RBM47: variants seen among roughly 807,000 people sequenced by gnomAD.
The protein encoded by RBM47 is RNA binding motif protein 47, also known as RNA-binding protein 47.
A neutral mutation model predicts 47.1 loss-of-function variants in RBM47; 21 were observed. The ratio of observed to expected loss-of-function variants is 0.45; its 90% CI spans 0.32 to 0.64. The LOEUF (loss-of-function observed/expected upper bound fraction) is 0.64. RBM47 is among the 30% of genes least tolerant of loss of function. RBM47 has a pLI of 0.05. For synonymous variants in RBM47, 375 were observed against 361.7 expected (o/e 1.04, Z -0.42); for missense variants, 708 against 870.9 (o/e 0.81, Z 2.35).
chr4:40,471,438 C>G (rs1174160864), intron 2 of RBM47, among the ~76,000 whole-genome samples: 1 of 152,064 alleles, frequency 6.6e-6, no homozygotes, highest in Non-Finnish European at 1.5e-5. Flanking sequence ...TGGCTCACGC[C>G]TGTAATCCCA....
intron 1 of RBM47, among the ~76,000 whole-genome samples, chr4:40,611,728 C>CA (rs1033218613): frequency 3.5e-4 from 52 of 149,030 alleles, no homozygotes; most frequent in Admixed American, 9.3e-4. Flanking sequence ...AACTCTGTCT[C>CA]AAAAAAAACA....
chr4:40,545,082 C>A (rs922456478), intron 1 of RBM47, among the ~76,000 whole-genome samples: 89 of 143,708 alleles, frequency 6.2e-4, no homozygotes, highest in African/African-American at 1.9e-3. Context: ...GACGGAGTCT[C>A]GCTCTGTCAC....
intron 1 of RBM47, among the ~76,000 whole-genome samples, chr4:40,576,386 C>T (rs3828531): frequency 0.17 from 25,358 of 151,414 alleles, 2,235 homozygotes; most frequent in Admixed American, 0.24. Context: ...GAACTCCTAG[C>T]CTGAGCAACA....
intron 1 of RBM47, among the ~76,000 whole-genome samples, chr4:40,618,788 AAC>A (rs1464711996): frequency 2.1e-5 from 3 of 143,308 alleles, no homozygotes; most frequent in African/African-American, 7.8e-5. Context: ...CAGCCTAGGC[AAC>A]AGAGCGAGAC....
At chr4:40,447,773 G>A (rs1008561956) in intron 3 of RBM47, among the ~76,000 whole-genome samples, 8 of 152,230 alleles carry the variant, frequency 5.3e-5, no homozygotes, top group Admixed American at 1.3e-4. Flanking sequence ...CACTTTGGGA[G>A]GCTGAGGCGG....
At chr4:40,498,054 T>TTATATACATATATATATATA (rs1722855542) in intron 2 of RBM47, among the ~76,000 whole-genome samples, 1 of 109,870 alleles carries the variant, frequency 9.1e-6, no homozygotes, top group African/African-American at 3.2e-5. Context: ...AGTGCTTGTT[T>TTATATACATATATATATATA]TATATATATA....
chr4:40,521,861 G>A (rs995968525), intron 2 of RBM47, among the ~76,000 whole-genome samples: 7 of 151,916 alleles, frequency 4.6e-5, no homozygotes, highest in Middle Eastern at 3.2e-3. Flanking sequence ...GCAAGGAGAA[G>A]AAAAATAATT....
At chr4:40,510,440 A>T (rs904910790) in intron 2 of RBM47, among the ~76,000 whole-genome samples, 1 of 152,184 alleles carries the variant, frequency 6.6e-6, no homozygotes, top group African/African-American at 2.4e-5. Context: ...CTAGAGATAC[A>T]GTAGCAAGTT....
At chr4:40,478,566 C>G (rs941466388) in intron 2 of RBM47, among the ~76,000 whole-genome samples, 3 of 152,142 alleles carry the variant, frequency 2.0e-5, no homozygotes, top group African/African-American at 7.2e-5. Flanking sequence ...AGAAATGGAG[C>G]ATAGTAAGAC....
intron 1 of RBM47, among the ~76,000 whole-genome samples, chr4:40,624,740 T>C (rs933782958): frequency 3.3e-5 from 5 of 152,196 alleles, no homozygotes; most frequent in Non-Finnish European, 7.3e-5. Context: ...AGAAGGCTAC[T>C]GGGAAGATGG....
At chr4:40,610,534 C>G (rs560873420) in intron 1 of RBM47, among the ~76,000 whole-genome samples, 1 of 146,776 alleles carries the variant, frequency 6.8e-6, no homozygotes, top group Non-Finnish European at 1.5e-5. Flanking sequence ...GGCGTGAACC[C>G]GGGCGGTGGA....
At chr4:40,593,070 A>G (rs186876178) in intron 1 of RBM47, among the ~76,000 whole-genome samples, 1,542 of 129,026 alleles carry the variant, frequency 0.012, 34 homozygotes, top group African/African-American at 0.039. Flanking sequence ...ATTTTGGCTC[A>G]CTGCAAGTCC....
At chr4:40,619,532 T>C (rs1737061652) in intron 1 of RBM47, among the ~76,000 whole-genome samples, 1 of 152,154 alleles carries the variant, frequency 6.6e-6, no homozygotes, top group Non-Finnish European at 1.5e-5. Context: ...CCCATAACCC[T>C]ACCTTGTGCC....
intron 1 of RBM47, among the ~76,000 whole-genome samples, chr4:40,575,980 C>A (rs1289289502): frequency 6.6e-6 from 1 of 152,204 alleles, no homozygotes; most frequent in East Asian, 1.9e-4. Flanking sequence ...GTGCTGGTGG[C>A]CAGGAGGGCA....
At chr4:40,539,229 G>A (rs533270486) in intron 2 of RBM47, among the ~76,000 whole-genome samples, 52 of 152,146 alleles carry the variant, frequency 3.4e-4, no homozygotes, top group Non-Finnish European at 6.3e-4. Flanking sequence ...TGCCTTTTGG[G>A]ATTGCCTTGA....
chr4:40,507,758 C>T (rs1038863191), intron 2 of RBM47, among the ~76,000 whole-genome samples: 3 of 151,588 alleles, frequency 2.0e-5, no homozygotes, highest in Admixed American at 2.0e-4. Flanking sequence ...TTCATTCCAG[C>T]CTGGGCGACA....
intron 2 of RBM47, chr4:40,475,756 C>T (rs542920988): frequency 2.6e-5 from 4 of 152,298 alleles, no homozygotes; most frequent in East Asian, 1.9e-4. Context: ...AAGCAACCTT[C>T]GCTCCCAATA....
chr4:40,546,722 A>T (rs1413368091), intron 1 of RBM47, among the ~76,000 whole-genome samples: 1 of 152,206 alleles, frequency 6.6e-6, no homozygotes, highest in Non-Finnish European at 1.5e-5. Flanking sequence ...CTGGCATTTG[A>T]CTTGCTTCGG....
chr4:40,500,318 C>A (rs554408152), intron 2 of RBM47, among the ~76,000 whole-genome samples: 1 of 147,310 alleles, frequency 6.8e-6, no homozygotes, highest in African/African-American at 2.5e-5. Context: ...CGTCCCCCCC[C>A]AAAAAAAAAA....
Sources: gnomAD v4.1 joint callset for allele counts (sites outside exome capture counted in the v4.1 genomes callset) on GRCh38, gnomAD v4.1.1 for gene constraint, MANE v1.5 for transcripts, NCBI Gene and HGNC (gene_info 2026-07-23, HGNC 2026-07-21) for gene names.